Variants in SUB1 observed in about 807,000 individuals in gnomAD.
The protein encoded by SUB1 is activated RNA polymerase II transcriptional coactivator p15.
A neutral mutation model predicts 16.9 loss-of-function variants in SUB1; 1 was observed. The observed-to-expected ratio is 0.06, with a 90% CI of 0.02 to 0.28. SUB1 has a LOEUF of 0.28. SUB1 is among the 10% of genes least tolerant of loss of function. SUB1 has a pLI of 1.00. For missense variants in SUB1, 84 were observed against 145.2 expected (o/e 0.58, Z 2.16); for synonymous variants, 51 against 46.9 (o/e 1.09, Z -0.36).
At chr5:32,599,670 T>C (rs78357145) in intron 4 of SUB1, among the ~76,000 whole-genome samples, 2,117 of 152,304 alleles carry the variant, frequency 0.014, 27 homozygotes, top group Non-Finnish European at 0.017. Flanking sequence ...GCCTGTTAGT[T>C]TGAAAGGTAC....
chr5:32,591,458 G>A, intron 2 of SUB1, 105 bp from the exon 3 acceptor site: 2 of 1,388,692 alleles, frequency 1.4e-6, no homozygotes, highest in Non-Finnish European at 1.9e-6. Context: ...TGATATTTTG[G>A]ATGTAGTCTT....
intron 3 of SUB1, among the ~76,000 whole-genome samples, chr5:32,592,165 G>T (rs555974098): frequency 2.6e-5 from 4 of 152,322 alleles, no homozygotes; most frequent in African/African-American, 9.6e-5. Context: ...TACGATGCTG[G>T]ATTATTGTTA....
chr5:32,599,455 G>T (rs1288295058), intron 4 of SUB1, among the ~76,000 whole-genome samples: 1 of 152,162 alleles, frequency 6.6e-6, no homozygotes, highest in Non-Finnish European at 1.5e-5. Context: ...ATTCTTTAGG[G>T]CATTACTCTT....
rs985137385 is a variant in SUB1, at chr5:32,603,513, C to T, written c.*2429C>T. 1 of 152,132 alleles carries T rather than the reference C, an allele frequency of 6.6e-6. No homozygotes were observed. Among genetic ancestry groups the T allele is most frequent in the Non-Finnish European group, 1.5e-5 (1 of 68,008 alleles). 9.4% of individuals were successfully genotyped at this position (152,132 alleles called of 1,614,324 possible). On this transcript the variant is annotated 3_prime_UTR_variant, in exon 5 of 5. Transcript: ENST00000265073. ...AGTAGCATTTGACCAATTTCCAGTGCTCTTAGCATTTTACTTAAAGAACAA... is the reference window on the plus strand; with the variant it reads ...AGTAGCATTTGACCAATTTCCAGTGTTCTTAGCATTTTACTTAAAGAACAA...
chr5:32,587,173 A>C (rs1359658417), intron 1 of SUB1, among the ~76,000 whole-genome samples: 1 of 152,228 alleles, frequency 6.6e-6, no homozygotes, highest in Non-Finnish European at 1.5e-5. Flanking sequence ...ATCATCGCCA[A>C]GGTCTGCTTG....
intron 3 of SUB1, among the ~76,000 whole-genome samples, chr5:32,593,845 C>T (rs1407323057): frequency 6.6e-6 from 1 of 152,186 alleles, no homozygotes; most frequent in East Asian, 1.9e-4. Context: ...AGGCATGCGC[C>T]ACCACCCCCA....
In SUB1 at chr5:32,601,160, T is replaced by G; in HGVS notation, c.*76T>G. 1 of 1,203,886 alleles carries G rather than the reference T, an allele frequency of 8.3e-7. No individual in the cohort carries two copies. The highest frequency in any genetic ancestry group is 1.2e-6 in the Non-Finnish European group (1 of 833,396). 74.6% of individuals were successfully genotyped at this position (1,203,886 alleles called of 1,614,324 possible). A position where few individuals can be genotyped will look rare whatever the true frequency, so the allele number is the denominator to read the frequency against. On this transcript the variant is annotated 3_prime_UTR_variant, in exon 5 of 5. Transcript: ENST00000265073. ...TCTTTTTACATTGGCTTTTGTTTTC[T>G]AAATGTTCTCCAAGCTATTGTATGT...
intron 3 of SUB1, 145 bp downstream of exon 3, chr5:32,591,830 G>A (rs1035761432): frequency 1.0e-6 from 1 of 1,000,302 alleles, no homozygotes; most frequent in Non-Finnish European, 1.3e-6. Context: ...CTCCCGAGTA[G>A]CTAGGATTAC....
chr5:32,596,843 T>G (rs772566608), intron 3 of SUB1: 14 of 152,368 alleles, frequency 9.2e-5, no homozygotes, highest in Non-Finnish European at 1.8e-4. Flanking sequence ...GACACTTTGT[T>G]GAGGAAAGCC....
rs1739108112 is a variant in SUB1 at position 32,601,281 on chromosome 5, A to G, written c.*197A>G. ...CTAATTGTCAACTTTATTAAGGATT[A>G]CTTTGTCTGCCCACCACCTAGTGTA... is the stretch of plus-strand genomic sequence containing the variant. On this transcript the variant is annotated 3_prime_UTR_variant, in exon 5 of 5. Coordinates refer to ENST00000265073, the MANE Select transcript of SUB1 (RefSeq NM_006713.4). 1.9e-6 allele frequency: 1 copy of G among 527,776 alleles called. No individual in the cohort carries two copies. Among genetic ancestry groups the G allele is most frequent in the Non-Finnish European group, 3.3e-6 (1 of 298,526 alleles). 32.7% of individuals were successfully genotyped at this position (527,776 alleles called of 1,614,324 possible). A position where few individuals can be genotyped will look rare whatever the true frequency, so the allele number is the denominator to read the frequency against.
At chr5:32,597,631 A>C (rs932869463) in intron 3 of SUB1, 8 of 152,180 alleles carry the variant, frequency 5.3e-5, no homozygotes, top group African/African-American at 1.9e-4. Context: ...CTTTGGTTGC[A>C]GTTTTGATAC....
chr5:32,586,411 G>A (rs1023323028), intron 1 of SUB1: 1 of 152,166 alleles, frequency 6.6e-6, no homozygotes, highest in East Asian at 1.9e-4. Context: ...GTTGCGTTTT[G>A]TATAAATTCT....
Position 32,603,235 on chromosome 5 carries a change from AGAG to A in SUB1, c.*2152_*2154del, listed in dbSNP as rs1165168882. ...TATTAATCAGTTTGTGTATAGGAAA[AGAG>A]AACTGGGTTAAAAGCAAATTAACTT... On this transcript the variant is annotated 3_prime_UTR_variant, in exon 5 of 5. Coordinates refer to ENST00000265073, the MANE Select transcript of SUB1 (RefSeq NM_006713.4). 2.0e-5 allele frequency: 3 copies of A among 152,174 alleles called. No homozygotes were observed. The highest frequency in any genetic ancestry group is 7.2e-5 in the African/African-American group (3 of 41,448). The allele number at this position is 152,174 out of a possible 1,614,324, so 9.4% of individuals were successfully genotyped here. A position where few individuals can be genotyped will look rare whatever the true frequency, so the allele number is the denominator to read the frequency against.
intron 4 of SUB1, among the ~76,000 whole-genome samples, chr5:32,600,227 C>G (rs1266065394): frequency 6.6e-6 from 1 of 152,224 alleles, no homozygotes; most frequent in Non-Finnish European, 1.5e-5. Flanking sequence ...CGGGTATACT[C>G]TCTGAGGAGT....
rs147537441 is a variant in SUB1, at chr5:32,592,258, A to G, written c.195+573A>G. 7.4e-4 allele frequency among the ~76,000 whole-genome samples: 112 copies of G among 152,364 alleles called. 1 individual carries two copies. The highest frequency in any genetic ancestry group is 2.5e-3 in the African/African-American group (105 of 41,588). On this transcript the variant is annotated intron_variant, in intron 3 of 4. Transcript: ENST00000265073. ...GCACATTTTGAAAGCAACTTGGAGG[A>G]GGCAGGTCAAGTGTTGGGACAGTAA...
chr5:32,596,711 T>G (rs939936597), intron 3 of SUB1: 9 of 152,192 alleles, frequency 5.9e-5, no homozygotes, highest in African/African-American at 1.9e-4. Context: ...TCAGTGAATA[T>G]ATCCAATGCG....
rs985085199 is a variant in SUB1, at chr5:32,603,792, T to G, written c.*2708T>G. The G allele has an allele frequency of 6.6e-6, 1 of 152,218 alleles. No individual in the cohort carries two copies. Among genetic ancestry groups the G allele is most frequent in the Non-Finnish European group, 1.5e-5 (1 of 68,020 alleles). 9.4% of individuals were successfully genotyped at this position (152,218 alleles called of 1,614,324 possible). The stretch of plus-strand genomic sequence containing the variant: ...ATGTTAGCAGAATACTATAAAAGTT[T>G]GAAATTTTTAAAAAGTAAAAGTACT... On this transcript the variant is annotated 3_prime_UTR_variant, in exon 5 of 5. Transcript: ENST00000265073.
intron 3 of SUB1, chr5:32,598,272 A>T (rs1739027849): frequency 6.6e-6 from 1 of 152,134 alleles, no homozygotes; most frequent in African/African-American, 2.4e-5. Context: ...CACTTTCAGC[A>T]TCACTAGGGG....
At chr5:32,589,275 C>T (rs1266121704) in intron 2 of SUB1, among the ~76,000 whole-genome samples, 1 of 151,986 alleles carries the variant, frequency 6.6e-6, no homozygotes, top group African/African-American at 2.4e-5. Context: ...TTTGTAGGGA[C>T]CAGGTATTGC....
Sources: allele counts gnomAD v4.1 joint callset (sites outside exome capture counted in the v4.1 genomes callset), GRCh38; gene constraint gnomAD v4.1.1; transcripts MANE v1.5; gene names NCBI Gene and HGNC (gene_info 2026-07-23, HGNC 2026-07-21).